The following CSMD1 variants were observed in gnomAD, a reference collection of about 807,000 sequenced individuals.
CSMD1 encodes CUB and Sushi multiple domains 1.
In CSMD1, 213 loss-of-function variants were observed where a neutral mutation model predicts 417.5. The observed-to-expected ratio is 0.51, with a 90% CI of 0.46 to 0.57. CSMD1 has a LOEUF of 0.57. CSMD1 is among the 20% of genes least tolerant of loss of function. CSMD1 has a pLI of 0.00. For missense variants in CSMD1, 6,923 were observed against 4,529.7 expected, an observed-to-expected ratio of 1.53 and a Z score of -15.17; for synonymous variants, 2,862 against 1,736.8, an observed-to-expected ratio of 1.65 and a Z score of -16.11.
intron 10 of CSMD1, among the ~76,000 whole-genome samples, chr8:3,515,947 G>A (rs973778438): frequency 1.3e-5 from 2 of 152,190 alleles, no homozygotes; most frequent in African/African-American, 4.8e-5. Context: ...ATGTGTTTGA[G>A]TGACGTACCA....
intron 2 of CSMD1, among the ~76,000 whole-genome samples, chr8:4,500,864 G>A (rs557291003): frequency 6.6e-6 from 1 of 152,066 alleles, no homozygotes; most frequent in East Asian, 1.9e-4. Context: ...TCTGTCTCTG[G>A]CGTAACCTTA....
At chr8:3,186,091 G>C (rs909441939) in intron 36 of CSMD1, among the ~76,000 whole-genome samples, 1 of 148,724 alleles carries the variant, frequency 6.7e-6, no homozygotes, top group East Asian at 1.9e-4. Flanking sequence ...TCACCTACCT[G>C]TAATGCTGTC....
At chr8:4,304,827 C>A (rs1240180718) in intron 3 of CSMD1, among the ~76,000 whole-genome samples, 1 of 152,192 alleles carries the variant, frequency 6.6e-6, no homozygotes, top group Non-Finnish European at 1.5e-5. Context: ...CAGAAAACCA[C>A]TGAACTTTTG....
chr8:4,211,754 C>T (rs770459870), intron 3 of CSMD1, among the ~76,000 whole-genome samples: 1 of 152,154 alleles, frequency 6.6e-6, no homozygotes, highest in Non-Finnish European at 1.5e-5. Flanking sequence ...CTGCAAATGT[C>T]AACCTCCTTC....
chr8:4,980,136 A>C (rs1226192982), intron 1 of CSMD1, among the ~76,000 whole-genome samples: 2 of 152,230 alleles, frequency 1.3e-5, no homozygotes, highest in Non-Finnish European at 2.9e-5. Flanking sequence ...TATACAAAGC[A>C]ATAAAACCCT....
At chr8:4,867,633 C>A (rs1230225955) in intron 1 of CSMD1, among the ~76,000 whole-genome samples, 1 of 151,798 alleles carries the variant, frequency 6.6e-6, no homozygotes, top group Non-Finnish European at 1.5e-5. Context: ...TTTATTATGT[C>A]GCAATGCCAG....
chr8:4,231,195 G>A (rs1468577965), intron 3 of CSMD1, among the ~76,000 whole-genome samples: 3 of 152,168 alleles, frequency 2.0e-5, no homozygotes, highest in Non-Finnish European at 2.9e-5. Context: ...ATTGCGCATT[G>A]AGTCTAAATG....
intron 51 of CSMD1, among the ~76,000 whole-genome samples, chr8:3,021,217 T>C (rs1313374175): frequency 1.3e-5 from 2 of 152,212 alleles, no homozygotes; most frequent in African/African-American, 4.8e-5. Context: ...AATATTCTGG[T>C]GACAAAACTA....
chr8:4,733,939 G>A (rs1336621224), intron 1 of CSMD1, among the ~76,000 whole-genome samples: 2 of 152,160 alleles, frequency 1.3e-5, no homozygotes, highest in African/African-American at 2.4e-5. Context: ...ATGGTAATTA[G>A]CAAGAGGCTG....
At chr8:4,709,811 G>T (rs897722175) in intron 1 of CSMD1, among the ~76,000 whole-genome samples, 2 of 152,124 alleles carry the variant, frequency 1.3e-5, no homozygotes, top group Non-Finnish European at 2.9e-5. Flanking sequence ...GAGAGGAAAA[G>T]AGCACAGTGT....
rs572431477 is a variant in CSMD1, at chr8:3,827,415, G to A, written c.819-73373C>T. On this transcript the variant is annotated intron_variant, in intron 5 of 69. Transcript: ENST00000635120. ...TAGATATCAAATACCTATATAGTTG[G>A]AAAAATAAACACATCTTATTAAGCA... is the stretch of plus-strand genomic sequence containing the variant. Among the ~76,000 whole-genome samples the A allele has an allele frequency of 2.6e-5, 4 of 152,284 alleles. No homozygotes were observed. The South Asian group carries it at 8.3e-4, about 32-fold the overall frequency.
chr8:4,024,202 A>C (rs1796943572), intron 4 of CSMD1, among the ~76,000 whole-genome samples: 1 of 152,324 alleles, frequency 6.6e-6, no homozygotes, highest in South Asian at 2.1e-4. Flanking sequence ...AGATAGTAAG[A>C]AGACATGGGA....
At chr8:3,005,169 G>A (rs1362344478) in intron 52 of CSMD1, among the ~76,000 whole-genome samples, 3 of 151,992 alleles carry the variant, frequency 2.0e-5, no homozygotes, top group Non-Finnish European at 4.4e-5. Context: ...ACAATAATAC[G>A]GTGAAACTTC....
intron 3 of CSMD1, among the ~76,000 whole-genome samples, chr8:4,291,106 T>A (rs1326312982): frequency 6.6e-6 from 1 of 152,172 alleles, no homozygotes; most frequent in Non-Finnish European, 1.5e-5. Context: ...AAACACAACT[T>A]CTAAATGTTT....
At position 4,243,060 on chromosome 8, in the gene CSMD1, G is replaced by A. The variant is rs17069711; in HGVS notation, c.415+176893C>T. On this transcript the variant is annotated intron_variant, in intron 3 of 69. Transcript: ENST00000635120. ...TTTTATCTGAGTACACGGGTCAGGGGTAGTTTTTTCCTTTCTTGCCATGAG... is the reference window on the plus strand; with the variant it reads ...TTTTATCTGAGTACACGGGTCAGGGATAGTTTTTTCCTTTCTTGCCATGAG... Among the ~76,000 whole-genome samples, 1,268 of 152,226 alleles carry A rather than the reference G, an allele frequency of 8.3e-3. 82 individuals are homozygous for A. The East Asian group carries it at 0.18, about 21-fold the overall frequency.
At chr8:4,943,064 T>C (rs1209302227) in intron 1 of CSMD1, among the ~76,000 whole-genome samples, 1 of 152,162 alleles carries the variant, frequency 6.6e-6, no homozygotes, top group South Asian at 2.1e-4. Context: ...GACATGAAAG[T>C]AATTGTTCAT....
At chr8:3,772,504 TAC>T (rs1231866069) in intron 5 of CSMD1, among the ~76,000 whole-genome samples, 36,162 of 65,052 alleles carry the variant, frequency 0.56, 10,205 homozygotes, top group Admixed American at 0.67. Context: ...TATACATATA[TAC>T]ACATATATAC....
intron 3 of CSMD1, among the ~76,000 whole-genome samples, chr8:4,306,151 A>G (rs1030248483): frequency 1.3e-5 from 2 of 150,822 alleles, no homozygotes; most frequent in Non-Finnish European, 3.0e-5. Flanking sequence ...TTTTTAGAAG[A>G]AAGAGTACTG....
At chr8:3,503,556 T>A (rs1169917907) in intron 10 of CSMD1, among the ~76,000 whole-genome samples, 1 of 152,224 alleles carries the variant, frequency 6.6e-6, no homozygotes, top group Non-Finnish European at 1.5e-5. Flanking sequence ...GACCTTTAAG[T>A]ATTACTGACA....
Sources: gnomAD v4.1 joint callset for allele counts (sites outside exome capture counted in the v4.1 genomes callset) on GRCh38, gnomAD v4.1.1 for gene constraint, MANE v1.5 for transcripts, NCBI Gene and HGNC (gene_info 2026-07-23, HGNC 2026-07-21) for gene names.